The following CNTN4 variants were observed in gnomAD, a reference collection of about 807,000 sequenced individuals.
CNTN4 encodes contactin-4.
In CNTN4, 77 loss-of-function variants were observed where a neutral mutation model predicts 122.5. The ratio of observed to expected loss-of-function variants is 0.63; its 90% CI spans 0.52 to 0.76. The LOEUF is 0.76. CNTN4 is among the 30% of genes least tolerant of loss of function. The probability of loss-of-function intolerance (pLI) is 0.00; values close to 1 mark genes in which losing one functional copy is unlikely to be tolerated. For synonymous variants in CNTN4, 512 were observed against 447.0 expected, an observed-to-expected ratio of 1.15 and a Z score of -1.83; for missense variants, 1,256 against 1,259.1, an observed-to-expected ratio of 1.00 and a Z score of 0.04.
chr3:2,335,894 A>G (rs2043936056), intron 2 of CNTN4, among the ~76,000 whole-genome samples: 1 of 152,168 alleles, frequency 6.6e-6, no homozygotes, highest in African/African-American at 2.4e-5. Context: ...AATAACTAAG[A>G]CTATACGTTG....
intron 3 of CNTN4, among the ~76,000 whole-genome samples, chr3:2,525,418 G>T (rs1366322212): frequency 6.6e-6 from 1 of 152,110 alleles, no homozygotes; most frequent in Non-Finnish European, 1.5e-5. Context: ...TATATTGTCG[G>T]TAAATTTCAG....
intron 23 of CNTN4, among the ~76,000 whole-genome samples, chr3:3,045,225 G>A (rs1700523615): frequency 6.6e-6 from 1 of 152,228 alleles, no homozygotes; most frequent in Admixed American, 6.5e-5. Context: ...CAAACAAAAG[G>A]CAGCAGAAAC....
chr3:3,032,749 C>A (rs1030295205), intron 16 of CNTN4, among the ~76,000 whole-genome samples: 6 of 152,210 alleles, frequency 3.9e-5, no homozygotes, highest in African/African-American at 1.4e-4. Flanking sequence ...CAGAATCAAA[C>A]TAATCTTCCC....
intron 2 of CNTN4, among the ~76,000 whole-genome samples, chr3:2,292,161 T>C (rs777513802): frequency 2.0e-5 from 3 of 152,244 alleles, no homozygotes; most frequent in Non-Finnish European, 4.4e-5. Context: ...GTATTGTCAC[T>C]TCTACGGCAC....
intron 3 of CNTN4, among the ~76,000 whole-genome samples, chr3:2,389,972 C>T (rs757126877): frequency 1.3e-5 from 2 of 152,068 alleles, no homozygotes; most frequent in African/African-American, 2.4e-5. Flanking sequence ...ATTAAAGGGA[C>T]ATGTCAAGTG....
intron 2 of CNTN4, among the ~76,000 whole-genome samples, chr3:2,200,770 C>A (rs754935669): frequency 3.3e-5 from 5 of 152,162 alleles, no homozygotes; most frequent in Non-Finnish European, 7.3e-5. Context: ...AGAATCTCTT[C>A]TCTCCTGGTC....
At chr3:2,318,292 T>A (rs1300188086) in intron 2 of CNTN4, among the ~76,000 whole-genome samples, 1 of 151,344 alleles carries the variant, frequency 6.6e-6, no homozygotes, top group African/African-American at 2.4e-5. Flanking sequence ...GTATACTATA[T>A]AGGAAAAGAT....
chr3:2,699,604 G>A (rs1166588302), intron 4 of CNTN4, among the ~76,000 whole-genome samples: 1 of 152,166 alleles, frequency 6.6e-6, no homozygotes, highest in Non-Finnish European at 1.5e-5. Context: ...CCAAAGTGTT[G>A]TCAGGGAGCG....
At chr3:2,172,186 T>G (rs1282167488) in intron 2 of CNTN4, among the ~76,000 whole-genome samples, 1 of 151,920 alleles carries the variant, frequency 6.6e-6, no homozygotes, top group East Asian at 1.9e-4. Flanking sequence ...ATAAAGAAAA[T>G]GGGGCATATA....
chr3:3,005,887 A>ATTTTT lies in CNTN4; in HGVS notation c.1486+17427_1486+17431dup, dbSNP rs10630939. Among the ~76,000 whole-genome samples the ATTTTT allele has an allele frequency of 2.1e-5, 3 of 145,332 alleles. 1 individual carries two copies. ...ACTCTATCTCAGCACACTGTGTAGA[A>ATTTTT]TTTTTTTTTTTTTTTTGAGACGGAT... On this transcript the variant is annotated intron_variant, in intron 14 of 24. Transcript: ENST00000418658.
intron 2 of CNTN4, among the ~76,000 whole-genome samples, chr3:2,109,211 T>C (rs6774897): frequency 0.23 from 35,095 of 151,928 alleles, 4,124 homozygotes; most frequent in East Asian, 0.44. Flanking sequence ...AGGTCAGTAT[T>C]GGTGCATAAC....
intron 4 of CNTN4, among the ~76,000 whole-genome samples, chr3:2,609,006 A>C (rs1483677673): frequency 1.3e-5 from 2 of 152,202 alleles, no homozygotes; most frequent in Admixed American, 6.5e-5. Context: ...CAACAACAGA[A>C]ATTTTTTAAA....
chr3:2,139,695 T>A (rs773326795), intron 2 of CNTN4, among the ~76,000 whole-genome samples: 3 of 152,158 alleles, frequency 2.0e-5, no homozygotes, highest in Non-Finnish European at 2.9e-5. Context: ...GACTGCTTGG[T>A]TGGGGAGTGT....
At chr3:2,390,712 A>G (rs1048876495) in intron 3 of CNTN4, among the ~76,000 whole-genome samples, 1 of 152,168 alleles carries the variant, frequency 6.6e-6, no homozygotes, top group African/African-American at 2.4e-5. Context: ...TTGACGTAAA[A>G]CAATGTTTGC....
At chr3:2,587,824 C>A (rs1033263748) in intron 4 of CNTN4, among the ~76,000 whole-genome samples, 1 of 151,432 alleles carries the variant, frequency 6.6e-6, no homozygotes, top group African/African-American at 2.4e-5. Context: ...CTTTTTCTTT[C>A]TTTCTTTTTT....
intron 4 of CNTN4, among the ~76,000 whole-genome samples, chr3:2,612,049 C>G (rs1434762649): frequency 6.6e-6 from 1 of 151,544 alleles, no homozygotes; most frequent in African/African-American, 2.4e-5. Flanking sequence ...ATAACACATG[C>G]TTTCAAAGAA....
intron 7 of CNTN4, among the ~76,000 whole-genome samples, chr3:2,832,879 A>G (rs760326027): frequency 1.3e-5 from 2 of 152,224 alleles, no homozygotes; most frequent in Non-Finnish European, 2.9e-5. Flanking sequence ...TGGTGAAACC[A>G]AGGCTGGGAT....
intron 14 of CNTN4, among the ~76,000 whole-genome samples, chr3:3,008,507 A>G (rs538066929): frequency 6.6e-6 from 1 of 152,368 alleles, no homozygotes; most frequent in East Asian, 1.9e-4. Flanking sequence ...TAAAATATGT[A>G]GCACTTTTGC....
At chr3:2,282,099 T>C (rs189936203) in intron 2 of CNTN4, among the ~76,000 whole-genome samples, 76 of 152,300 alleles carry the variant, frequency 5.0e-4, no homozygotes, top group Non-Finnish European at 9.8e-4. Context: ...GCTGATAATA[T>C]TTATACTTTG....
Sources: gnomAD v4.1 joint callset for allele counts (sites outside exome capture counted in the v4.1 genomes callset) on GRCh38, gnomAD v4.1.1 for gene constraint, MANE v1.5 for transcripts, NCBI Gene and HGNC (gene_info 2026-07-23, HGNC 2026-07-21) for gene names.